Variants in B3GALT5 observed in about 807,000 individuals in gnomAD.
B3GALT5 encodes the protein beta-1,3-galactosyltransferase 5.
For missense variants in B3GALT5, 328 were observed against 396.6 expected (o/e 0.83, Z 1.47); for synonymous variants, 156 against 158.6 (o/e 0.98, Z 0.12).
Position 39,666,755 on chromosome 21 carries a change from A to G in B3GALT5, c.*5263A>G, listed in dbSNP as rs777157881. On this transcript the variant is annotated 3_prime_UTR_variant, in exon 4 of 4. Coordinates refer to ENST00000684187, the MANE Select transcript of B3GALT5 (RefSeq NM_001356336.2). The stretch of plus-strand genomic sequence containing the variant: ...TCTTCAAACACACCATTGTAACCAC[A>G]TAATACACTGTGTGAAAAGAGAGGA... 1 of 152,280 alleles carries G rather than the reference A, an allele frequency of 6.6e-6. No homozygotes were observed. The highest frequency in any genetic ancestry group is 1.5e-5 in the Non-Finnish European group (1 of 68,068). 9.4% of individuals were successfully genotyped at this position (152,280 alleles called of 1,614,324 possible).
chr21:39,660,693 T>C lies in B3GALT5; in HGVS notation c.134T>C (p.Leu45Pro). The change falls in exon 4 of 4, where the codon CTT becomes CCT. Residue 45 changes from leucine to proline, a missense_variant. Transcript: ENST00000684187. ...GTTTACAAGAAAGACGGGAACTTCC[T>C]TAAGCTCCCAGATACAGACTGCAGG... ...SFVYKKDGNF[L>P]KLPDTDCRQT... The C allele has an allele frequency of 6.4e-7, 1 of 1,561,406 alleles. No individual in the cohort carries two copies. The highest frequency in any genetic ancestry group is 8.7e-7 in the Non-Finnish European group (1 of 1,155,420).
rs2146229470 is a variant in B3GALT5 at position 39,666,007 on chromosome 21, T to C, written c.*4515T>C. On this transcript the variant is annotated 3_prime_UTR_variant, in exon 4 of 4. Transcript: ENST00000684187. ...TGTTGAGTGGAACTGAATGTATTGG[T>C]ATGGTAGGTGGGTTTTAGAAGGGAA... 6.6e-6 allele frequency: 1 copy of C among 152,200 alleles called. No homozygotes were observed. Among genetic ancestry groups the C allele is most frequent in the South Asian group, 2.1e-4 (1 of 4,808 alleles). The allele number at this position is 152,200 out of a possible 1,614,324, so 9.4% of individuals were successfully genotyped here. A position where few individuals can be genotyped will look rare whatever the true frequency, so the allele number is the denominator to read the frequency against.
In B3GALT5 at chr21:39,669,823, C is replaced by G. The variant is rs1167085301; in HGVS notation, c.*8331C>G. ...CAGCCTTGCTTTTCTCCACTTGGCA[C>G]AGTGGTGAGTCCTCCGATGTATCTG... On this transcript the variant is annotated 3_prime_UTR_variant, in exon 4 of 4. Transcript: ENST00000684187. The G allele has an allele frequency of 2.0e-5, 3 of 152,216 alleles. No individual in the cohort carries two copies. The highest frequency in any genetic ancestry group is 4.4e-5 in the Non-Finnish European group (3 of 68,074). 9.4% of individuals were successfully genotyped at this position (152,216 alleles called of 1,614,324 possible).
chr21:39,645,618 C>A (rs552581668), intron 1 of B3GALT5, among the ~76,000 whole-genome samples: 10 of 152,298 alleles, frequency 6.6e-5, no homozygotes, highest in African/African-American at 2.4e-4. Flanking sequence ...CTTGGACACA[C>A]TGAGGTGCTG....
intron 2 of B3GALT5, among the ~76,000 whole-genome samples, chr21:39,654,471 T>C (rs898591608): frequency 6.6e-6 from 1 of 152,260 alleles, no homozygotes; most frequent in Non-Finnish European, 1.5e-5. Flanking sequence ...CTGGTGAAGA[T>C]GCTGTGAACA....
intron 1 of B3GALT5, among the ~76,000 whole-genome samples, chr21:39,629,115 G>A (rs1430902918): frequency 7.2e-5 from 11 of 152,054 alleles, no homozygotes; most frequent in Non-Finnish European, 1.5e-4. Context: ...CTGGGTTCAA[G>A]CAATTCTCCC....
intron 2 of B3GALT5, among the ~76,000 whole-genome samples, chr21:39,650,426 C>G (rs1184232620): frequency 6.6e-6 from 1 of 152,204 alleles, no homozygotes; most frequent in Non-Finnish European, 1.5e-5. Context: ...CCTCACGGAG[C>G]TTCCTGTGGC....
At chr21:39,630,635 G>T (rs865997498) in intron 1 of B3GALT5, 10 of 152,378 alleles carry the variant, frequency 6.6e-5, no homozygotes, top group Non-Finnish European at 8.8e-5. Context: ...TTGCATGTCA[G>T]CGTTTTCTTT....
In B3GALT5 at chr21:39,660,731, T is replaced by A; in HGVS notation, c.172T>A (p.Phe58Ile). 2.6e-6 allele frequency: 4 copies of A among 1,547,086 alleles called. No homozygotes were observed. The highest frequency in any genetic ancestry group is 3.5e-6 in the Non-Finnish European group (4 of 1,148,278). Residue 58 changes from phenylalanine (F) to isoleucine (I), a missense_variant, in exon 4 of 4, where the codon TTC (phenylalanine) becomes ATC (isoleucine). Phe to Ile is a conservative substitution (Grantham distance 21, BLOSUM62 0). Transcript: ENST00000684187. ...TACAGACTGCAGGCAGACACCTCCC[T>A]TCCTCGTCCTGCTGGTGACCTCATC... The part of the protein sequence containing the change: ...PDTDCRQTPP[F>I]LVLLVTSSHK...
At chr21:39,633,117 G>A (rs1602264724) in intron 1 of B3GALT5, among the ~76,000 whole-genome samples, 1 of 152,228 alleles carries the variant, frequency 6.6e-6, no homozygotes, top group Middle Eastern at 3.4e-3. Flanking sequence ...CTGGGGGCAG[G>A]GAAATGGTGG....
chr21:39,649,053 T>A (rs900054148), intron 2 of B3GALT5, among the ~76,000 whole-genome samples: 1 of 152,184 alleles, frequency 6.6e-6, no homozygotes, highest in Non-Finnish European at 1.5e-5. Flanking sequence ...ACTAAGACAA[T>A]CCTTAAAATG....
In B3GALT5 at chr21:39,659,924, G is replaced by T; in HGVS notation, c.-1+12G>T. On this transcript the variant is annotated intron_variant, in intron 3 of 3. Coordinates refer to ENST00000684187, the MANE Select transcript of B3GALT5 (RefSeq NM_001356336.2). ...TTACCCAGCAAAAAGTGAGTTATAC[G>T]CTTTCTTAATGTTATAACGTTACCA... 1 of 984,228 alleles carries T rather than the reference G, an allele frequency of 1.0e-6. No homozygotes were observed. The highest frequency in any genetic ancestry group is 1.1e-4 in the East Asian group (1 of 8,796). The allele number at this position is 984,228 out of a possible 1,614,324, so 61.0% of individuals were successfully genotyped here.
At chr21:39,649,612 G>A (rs936670569) in intron 2 of B3GALT5, among the ~76,000 whole-genome samples, 2 of 152,100 alleles carry the variant, frequency 1.3e-5, no homozygotes, top group Non-Finnish European at 2.9e-5. Context: ...CCCAGAAACA[G>A]GGTGGAAGGC....
intron 1 of B3GALT5, among the ~76,000 whole-genome samples, chr21:39,629,175 C>T (rs998223619): frequency 4.6e-5 from 7 of 152,116 alleles, no homozygotes; most frequent in African/African-American, 9.7e-5. Flanking sequence ...CCACTGCACC[C>T]GGCTAATTTC....
rs188680106 is a variant in B3GALT5 at position 39,644,914 on chromosome 21, T to C, written c.-391-1478T>C. ...GCACTGACTGTCTTGGGGGGATGGA[T>C]GTGTGTTGACTGGCTCACCCCCCTT... On this transcript the variant is annotated intron_variant, in intron 1 of 3. Coordinates refer to ENST00000684187, the MANE Select transcript of B3GALT5 (RefSeq NM_001356336.2). Among the ~76,000 whole-genome samples, 5 of 152,240 alleles carry C rather than the reference T, an allele frequency of 3.3e-5. No individual in the cohort carries two copies. The East Asian group carries it at 9.7e-4, about 29-fold the overall frequency.
intron 1 of B3GALT5, among the ~76,000 whole-genome samples, chr21:39,632,140 C>T (rs2079196156): frequency 6.6e-6 from 1 of 152,172 alleles, no homozygotes. Flanking sequence ...TGTCAGGTAG[C>T]TCTTATTTTC....
intron 1 of B3GALT5, among the ~76,000 whole-genome samples, chr21:39,621,292 A>C (rs1411392748): frequency 6.6e-6 from 1 of 152,178 alleles, no homozygotes; most frequent in African/African-American, 2.4e-5. Context: ...TTTTGAAATA[A>C]TCATAGACTT....
intron 2 of B3GALT5, among the ~76,000 whole-genome samples, chr21:39,656,961 T>C (rs757833052): frequency 3.3e-5 from 5 of 152,214 alleles, no homozygotes; most frequent in Non-Finnish European, 7.3e-5. Flanking sequence ...CTTCAGGCAC[T>C]ATGGCCAGAA....
chr21:39,614,236 A>G (rs1234334697), intron 1 of B3GALT5, among the ~76,000 whole-genome samples: 1 of 152,194 alleles, frequency 6.6e-6, no homozygotes, highest in Non-Finnish European at 1.5e-5. Flanking sequence ...AGAATTTTAT[A>G]TCTTTTAAGG....
Sources: allele counts gnomAD v4.1 joint callset (sites outside exome capture counted in the v4.1 genomes callset), GRCh38; gene constraint gnomAD v4.1.1; transcripts MANE v1.5; gene names NCBI Gene and HGNC (gene_info 2026-07-23, HGNC 2026-07-21).